Variants in MRPS28 observed in about 807,000 individuals in gnomAD.
MRPS28 encodes the protein small ribosomal subunit protein bS1m.
Under a neutral mutation model 10.8 loss-of-function variants are expected in MRPS28, and 7 were observed. That is an observed-to-expected ratio of 0.65 (90% CI 0.37 to 1.22). The LOEUF (loss-of-function observed/expected upper bound fraction) is 1.22, where lower values mean the gene tolerates loss of function less well. Ranked by LOEUF, MRPS28 falls within the 50% of genes most tolerant of loss-of-function variation. MRPS28 has a pLI of 0.02. For synonymous variants in MRPS28, 121 were observed against 93.3 expected (o/e 1.30, Z -1.71); for missense variants, 265 against 232.9 (o/e 1.14, Z -0.90).
At chr8:79,951,817 G>T (rs1047296526) in intron 2 of MRPS28, among the ~76,000 whole-genome samples, 2 of 152,078 alleles carry the variant, frequency 1.3e-5, no homozygotes, top group Non-Finnish European at 2.9e-5. Flanking sequence ...AGCCATGATG[G>T]GATCAAGCCT....
intron 1 of MRPS28, among the ~76,000 whole-genome samples, chr8:80,005,523 TGCAAA>T (rs1483983500): frequency 6.6e-6 from 1 of 152,158 alleles, no homozygotes; most frequent in Non-Finnish European, 1.5e-5. Context: ...TACCAGACAC[TGCAAA>T]AACATGCCAA....
intron 2 of MRPS28, among the ~76,000 whole-genome samples, chr8:79,951,778 T>C (rs1488825401): frequency 6.6e-6 from 1 of 152,216 alleles, no homozygotes; most frequent in African/African-American, 2.4e-5. Context: ...TTTTGGATAT[T>C]ATGCCTAGCA....
chr8:79,988,716 G>A, intron 2 of MRPS28, among the ~76,000 whole-genome samples: 1 of 152,102 alleles, frequency 6.6e-6, no homozygotes, highest in East Asian at 1.9e-4. Flanking sequence ...TCCAAAATAA[G>A]CCTTTTTGAA....
In MRPS28 at chr8:80,028,645, C is replaced by CGGGCGGG. The variant is rs1554575867; in HGVS notation, c.213+1384_213+1390dup. 6.0e-4 allele frequency: 2 copies of CGGGCGGG among 3,332 alleles called. 1 individual carries two copies. Among genetic ancestry groups the CGGGCGGG allele is most frequent in the East Asian group, 0.016 (2 of 122 alleles). The allele number at this position is 3,332 out of a possible 1,614,324, so 0.2% of individuals were successfully genotyped here. On this transcript the variant is annotated intron_variant, in intron 1 of 2. Transcript: ENST00000276585. ...TCACAGGGATCTCAAAAGCAGAAGACGGGCGGGGGGGGCGGGGCCGGGCGG... is the reference window on the plus strand; with the variant it reads ...TCACAGGGATCTCAAAAGCAGAAGACGGGCGGGGGGCGGGGGGGGCGGGGCCGGGCGG...
intron 2 of MRPS28, among the ~76,000 whole-genome samples, chr8:79,978,760 A>G (rs1385039678): frequency 1.3e-5 from 2 of 152,242 alleles, no homozygotes; most frequent in Non-Finnish European, 2.9e-5. Context: ...TTGTGACATA[A>G]TTTTATTTTC....
chr8:80,011,089 T>C (rs1809029369), intron 1 of MRPS28, among the ~76,000 whole-genome samples: 1 of 151,888 alleles, frequency 6.6e-6, no homozygotes, highest in Admixed American at 6.6e-5. Flanking sequence ...AGAGGTAGTG[T>C]AAAAGAGTAA....
intron 2 of MRPS28, among the ~76,000 whole-genome samples, chr8:79,982,165 T>A (rs528627539): frequency 4.5e-4 from 69 of 152,080 alleles, no homozygotes; most frequent in African/African-American, 1.6e-3. Context: ...GAGAATTGCT[T>A]GAACCCAGGA....
At chr8:80,010,451 C>T (rs1277176519) in intron 1 of MRPS28, among the ~76,000 whole-genome samples, 4 of 152,166 alleles carry the variant, frequency 2.6e-5, no homozygotes, top group African/African-American at 7.2e-5. Context: ...AGATTATAAA[C>T]TCAAATGCCA....
At chr8:79,928,081 T>G (rs938499344) in intron 2 of MRPS28, among the ~76,000 whole-genome samples, 11 of 152,004 alleles carry the variant, frequency 7.2e-5, no homozygotes, top group African/African-American at 2.4e-4. Flanking sequence ...ACCAGCACTT[T>G]GGGAGGCTGA....
In MRPS28 at chr8:79,918,923, C is replaced by T; in HGVS notation, c.*57G>A. 3.2e-6 allele frequency: 4 copies of T among 1,251,072 alleles called. No individual in the cohort carries two copies. The African/African-American group carries it at 6.1e-5, about 19-fold the overall frequency. 77.5% of individuals were successfully genotyped at this position (1,251,072 alleles called of 1,614,324 possible). ...CATTTATTCACAATTAGTCTAATTG[C>T]ATTCTTGATGAATAACTGACTTCAG... On this transcript the variant is annotated 3_prime_UTR_variant, in exon 3 of 3. Coordinates refer to ENST00000276585, the MANE Select transcript of MRPS28 (RefSeq NM_014018.3).
At chr8:80,004,579 C>G (rs1030038280) in intron 1 of MRPS28, among the ~76,000 whole-genome samples, 1 of 152,184 alleles carries the variant, frequency 6.6e-6, no homozygotes, top group Admixed American at 6.5e-5. Flanking sequence ...ATCAGAGTGC[C>G]TCTCCCCCTC....
At chr8:79,970,398 T>C (rs1807602334) in intron 2 of MRPS28, among the ~76,000 whole-genome samples, 1 of 152,220 alleles carries the variant, frequency 6.6e-6, no homozygotes, top group South Asian at 2.1e-4. Context: ...AATTCTGTCC[T>C]ACTGAAAGGG....
At chr8:79,964,826 T>C (rs1298958336) in intron 2 of MRPS28, among the ~76,000 whole-genome samples, 2 of 152,066 alleles carry the variant, frequency 1.3e-5, no homozygotes, top group South Asian at 2.1e-4. Context: ...CTATGACCAC[T>C]GCCATGATTC....
chr8:79,981,171 A>T (rs1022781880), intron 2 of MRPS28, among the ~76,000 whole-genome samples: 5 of 152,144 alleles, frequency 3.3e-5, no homozygotes, highest in Non-Finnish European at 7.4e-5. Flanking sequence ...TCAACAAAAA[A>T]ATACAAAAAT....
chr8:79,979,556 C>T (rs1807895398), intron 2 of MRPS28, among the ~76,000 whole-genome samples: 1 of 151,938 alleles, frequency 6.6e-6, no homozygotes, highest in Non-Finnish European at 1.5e-5. Flanking sequence ...CAGGGTCTTA[C>T]TCTGTCACCC....
chr8:79,997,425 A>G (rs1163364485), intron 2 of MRPS28, among the ~76,000 whole-genome samples: 1 of 150,284 alleles, frequency 6.7e-6, no homozygotes, highest in Non-Finnish European at 1.5e-5. Flanking sequence ...CCCACACTGC[A>G]AGGTCTGTGA....
intron 2 of MRPS28, among the ~76,000 whole-genome samples, chr8:79,982,762 AAGCTCGAACTGGGTGGAG>A (rs1808004652): frequency 6.6e-6 from 1 of 152,204 alleles, no homozygotes; most frequent in South Asian, 2.1e-4. Context: ...AGCAGCCGGG[AAGCTCGAACTGGGTGGAG>A]CCCAACACAG....
At chr8:79,959,384 T>C (rs1237954484) in intron 2 of MRPS28, among the ~76,000 whole-genome samples, 1 of 152,108 alleles carries the variant, frequency 6.6e-6, no homozygotes, top group Non-Finnish European at 1.5e-5. Flanking sequence ...TTAATAGTTA[T>C]AGGAAAATTG....
At chr8:79,973,839 T>TAAAAA (rs11449920) in intron 2 of MRPS28, among the ~76,000 whole-genome samples, 1 of 136,106 alleles carries the variant, frequency 7.3e-6, no homozygotes, top group African/African-American at 2.7e-5. Context: ...AATAAATTAA[T>TAAAAA]AAAAAAAAAA....
Sources: gnomAD v4.1 joint callset for allele counts (sites outside exome capture counted in the v4.1 genomes callset) on GRCh38, gnomAD v4.1.1 for gene constraint, MANE v1.5 for transcripts, NCBI Gene and HGNC (gene_info 2026-07-23, HGNC 2026-07-21) for gene names.